The following FBXW4 variants were observed in gnomAD, a reference collection of about 807,000 sequenced individuals.
FBXW4 encodes F-box and WD repeat domain containing 4, also known as F-box/WD repeat-containing protein 4.
FBXW4 carries 40 observed loss-of-function variants against 61.8 expected under a neutral mutation model. The observed-to-expected ratio is 0.65, with a 90% CI of 0.50 to 0.84. The LOEUF (loss-of-function observed/expected upper bound fraction) is 0.84. Ranked by LOEUF, FBXW4 falls within the 40% of genes least tolerant of loss-of-function variation. The probability of loss-of-function intolerance (pLI) is 0.00; values close to 1 mark genes in which losing one functional copy is unlikely to be tolerated. For synonymous variants in FBXW4, 311 were observed against 313.8 expected (o/e 0.99, Z 0.10); for missense variants, 672 against 753.8 (o/e 0.89, Z 1.27).
At chr10:101,685,937 A>T (rs1331701752) in intron 1 of FBXW4, among the ~76,000 whole-genome samples, 1 of 152,230 alleles carries the variant, frequency 6.6e-6, no homozygotes, top group Non-Finnish European at 1.5e-5. Flanking sequence ...TGTGTAACAT[A>T]CCACATCTTC....
At chr10:101,642,452 T>C (rs2064061494) in intron 5 of FBXW4, among the ~76,000 whole-genome samples, 1 of 150,864 alleles carries the variant, frequency 6.6e-6, no homozygotes, top group Admixed American at 6.6e-5. Context: ...TGAAGTCCCA[T>C]CTCCTTACAG....
intron 1 of FBXW4, among the ~76,000 whole-genome samples, chr10:101,678,404 G>A (rs187573943): frequency 5.3e-5 from 8 of 152,270 alleles, no homozygotes; most frequent in Admixed American, 5.2e-4. Flanking sequence ...TGCTGGCCAG[G>A]GAGAGATACA....
chr10:101,620,686 C>G (rs2063860950), intron 6 of FBXW4, among the ~76,000 whole-genome samples: 1 of 152,180 alleles, frequency 6.6e-6, no homozygotes, highest in Non-Finnish European at 1.5e-5. Context: ...CCATATTGCC[C>G]AGGCTACTCT....
rs1057497529 is a variant in FBXW4, at chr10:101,673,134, C to G, written c.1008-87G>C. 18 of 1,490,634 alleles carry G rather than the reference C, an allele frequency of 1.2e-5. No individual in the cohort carries two copies. In the Admixed American group the frequency reaches 3.9e-4, roughly 32 times the overall value. The allele number at this position is 1,490,634 out of a possible 1,614,324, so 92.3% of individuals were successfully genotyped here. A position where few individuals can be genotyped will look rare whatever the true frequency, so the allele number is the denominator to read the frequency against. On this transcript the variant is annotated intron_variant, in intron 3 of 8. Transcript: ENST00000331272. ...AACTCTCCAGAAACAGCCCAAGTCT[C>G]CAGTGACATCCAAATTTGCTAAGCA...
Position 101,624,732 on chromosome 10 carries a change from A to C in FBXW4, c.1301+13T>G, listed in dbSNP as rs556991320. The C allele has an allele frequency of 6.2e-7, 1 of 1,614,066 alleles. No individual in the cohort carries two copies. The highest frequency in any genetic ancestry group is 8.5e-7 in the Non-Finnish European group (1 of 1,179,884). On this transcript the variant is annotated intron_variant, in intron 6 of 8. Coordinates refer to ENST00000331272, the MANE Select transcript of FBXW4 (RefSeq NM_022039.4). Reference sequence around the variant, plus strand: ...CTGGACTGGAAGCCAGCATGGGCTCATGAATCTCTTACCTGTTGAGGTCCC... The same window carrying C: ...CTGGACTGGAAGCCAGCATGGGCTCCTGAATCTCTTACCTGTTGAGGTCCC...
At position 101,667,952 on chromosome 10, in the gene FBXW4, C is replaced by A. The variant is rs2064322292; in HGVS notation, c.1169G>T (p.Gly390Val). Residue 390 changes from glycine (G) to valine (V), a missense_variant, in exon 5 of 9, where the codon GGG becomes GTG. Physicochemically the swap from Gly to Val is moderately radical, Grantham distance 109. Transcript: ENST00000331272. ...KVWPLASGRL[G>V]QCLHTIQTED... ...AGTCTGGATGGTGTGTAAGCACTGC[C>A]CCAGCCGGCCTGAGGCCAAAGGCCA... 6.2e-7 allele frequency: 1 copy of A among 1,614,054 alleles called. No homozygotes were observed. Among genetic ancestry groups the A allele is most frequent in the African/African-American group, 1.3e-5 (1 of 74,920 alleles).
At chr10:101,661,463 C>A (rs919302288) in intron 5 of FBXW4, among the ~76,000 whole-genome samples, 2 of 152,184 alleles carry the variant, frequency 1.3e-5, no homozygotes, top group Non-Finnish European at 1.5e-5. Context: ...GGGTGGAGGG[C>A]ACTGTACTGA....
rs1161325634 is a variant in FBXW4, at chr10:101,694,317, C to G, written c.725+64G>C. 3 of 1,328,334 alleles carry G rather than the reference C, an allele frequency of 2.3e-6. No individual in the cohort carries two copies. In the East Asian group the frequency reaches 9.4e-5, roughly 41 times the overall value. The allele number at this position is 1,328,334 out of a possible 1,614,324, so 82.3% of individuals were successfully genotyped here. On this transcript the variant is annotated intron_variant, in intron 1 of 8. Coordinates refer to ENST00000331272, the MANE Select transcript of FBXW4 (RefSeq NM_022039.4). This position sits in a 1 kb window ranked among gnomAD's most constrained non-coding sequence, Gnocchi z 6.0. ...CCTGGGCCGACCAGGCCGCGGCGCC[C>G]CGCCCTTTCCCGGGACGCGGGGCCG... is the stretch of plus-strand genomic sequence containing the variant.
chr10:101,628,545 C>T (rs982136888), intron 5 of FBXW4, among the ~76,000 whole-genome samples: 1 of 152,136 alleles, frequency 6.6e-6, no homozygotes, highest in African/African-American at 2.4e-5. Context: ...CTTCCAGAGC[C>T]CAAAGCCTAC....
chr10:101,648,415 G>GACT (rs1204758934), intron 5 of FBXW4, among the ~76,000 whole-genome samples: 1 of 152,142 alleles, frequency 6.6e-6, no homozygotes. Flanking sequence ...TGATTTGATT[G>GACT]ACTAGACAGA....
At position 101,666,977 on chromosome 10, in the gene FBXW4, A is replaced by G. The variant is rs542799921; in HGVS notation, c.1235+909T>C. ...CTGGGCACAGTGGCTCACAACTGTA[A>G]TCCCAGCACTTTGGGAGGCCGAGGC... On this transcript the variant is annotated intron_variant, in intron 5 of 8. Transcript: ENST00000331272. Among the ~76,000 whole-genome samples, 6 of 152,202 alleles carry G rather than the reference A, an allele frequency of 3.9e-5. No homozygotes were observed. The South Asian group carries it at 1.2e-3, about 32-fold the overall frequency.
chr10:101,611,130 C>T lies in FBXW4; in HGVS notation c.*161G>A. 1.1e-6 allele frequency: 1 copy of T among 904,320 alleles called. No individual in the cohort carries two copies. 56.0% of individuals were successfully genotyped at this position (904,320 alleles called of 1,614,324 possible). A position where few individuals can be genotyped will look rare whatever the true frequency, so the allele number is the denominator to read the frequency against. ...TGCATCTCTGGTAAGCTCCAAAGTC[C>T]CAGGAGTCAGAAGCCTCTAGTGCAA... On this transcript the variant is annotated 3_prime_UTR_variant, in exon 9 of 9. Coordinates refer to ENST00000331272, the MANE Select transcript of FBXW4 (RefSeq NM_022039.4). This position sits in a 1 kb window ranked among gnomAD's most constrained non-coding sequence, Gnocchi z 4.9.
intron 4 of FBXW4, 131 bp downstream of exon 4, chr10:101,672,784 G>T: frequency 9.5e-7 from 1 of 1,056,704 alleles, no homozygotes; most frequent in East Asian, 2.7e-5. Context: ...ACATAAGTGA[G>T]TCCTTTATTG....
At chr10:101,651,362 G>A (rs1173957475) in intron 5 of FBXW4, among the ~76,000 whole-genome samples, 2 of 152,128 alleles carry the variant, frequency 1.3e-5, no homozygotes, top group East Asian at 3.9e-4. Flanking sequence ...AAAGAAGGGA[G>A]AGAAAGCCAC....
intron 5 of FBXW4, among the ~76,000 whole-genome samples, chr10:101,651,449 G>A (rs1298626071): frequency 1.3e-5 from 2 of 152,064 alleles, no homozygotes; most frequent in African/African-American, 4.8e-5. Flanking sequence ...ATCATACAGA[G>A]GTCAGGGCTG....
At chr10:101,614,912 A>G (rs922713553) in intron 6 of FBXW4, among the ~76,000 whole-genome samples, 1 of 152,056 alleles carries the variant, frequency 6.6e-6, no homozygotes, top group Non-Finnish European at 1.5e-5. Context: ...CCCCCACCCC[A>G]AGACCTATTT....
intron 6 of FBXW4, among the ~76,000 whole-genome samples, chr10:101,616,859 A>G (rs1423712892): frequency 6.6e-6 from 1 of 152,258 alleles, no homozygotes; most frequent in Non-Finnish European, 1.5e-5. Context: ...CCGATTGTAG[A>G]TAAGGAAACC....
chr10:101,618,813 GC>G (rs1382803973), intron 6 of FBXW4, among the ~76,000 whole-genome samples: 1 of 152,072 alleles, frequency 6.6e-6, no homozygotes, highest in African/African-American at 2.4e-5. Flanking sequence ...AAGCCCACCT[GC>G]CCACAGGCTA....
At chr10:101,690,901 T>C (rs2064592930) in intron 1 of FBXW4, among the ~76,000 whole-genome samples, 1 of 152,182 alleles carries the variant, frequency 6.6e-6, no homozygotes, top group African/African-American at 2.4e-5. Context: ...ACTTTTGCTA[T>C]ATACAGACTA....
Sources: gnomAD v4.1 joint callset for allele counts (sites outside exome capture counted in the v4.1 genomes callset) on GRCh38, gnomAD v4.1.1 for gene constraint, Gnocchi (gnomAD v3.1) non-coding constraint, MANE v1.5 for transcripts, NCBI Gene and HGNC (gene_info 2026-07-23, HGNC 2026-07-21) for gene names.